Variants in PARD3 observed in about 807,000 individuals in gnomAD.
PARD3 encodes partitioning defective 3 homolog.
Under a neutral mutation model 155.4 loss-of-function variants are expected in PARD3, and 75 were observed. The observed-to-expected ratio is 0.48, with a 90% CI of 0.40 to 0.58. The LOEUF is 0.58. PARD3 is among the 20% of genes least tolerant of loss of function. The pLI, the probability that PARD3 is intolerant of heterozygous loss-of-function variation, is 0.00. For synonymous variants in PARD3, 576 were observed against 610.5 expected (o/e 0.94, Z 0.83); for missense variants, 1,642 against 1,721.7 (o/e 0.95, Z 0.82).
At chr10:34,698,359 C>T (rs1344831826) in intron 1 of PARD3, among the ~76,000 whole-genome samples, 1 of 152,162 alleles carries the variant, frequency 6.6e-6, no homozygotes, top group Non-Finnish European at 1.5e-5. Flanking sequence ...CTTTCCCTTT[C>T]ACAGCCTGTT....
chr10:34,160,038 G>C (rs1949199831), intron 22 of PARD3, among the ~76,000 whole-genome samples: 1 of 152,204 alleles, frequency 6.6e-6, no homozygotes, highest in Admixed American at 6.5e-5. Context: ...GAGGACTAGA[G>C]AGAAAGTAGA....
At chr10:34,342,835 T>G (rs1358895575) in intron 15 of PARD3, among the ~76,000 whole-genome samples, 1 of 152,200 alleles carries the variant, frequency 6.6e-6, no homozygotes. Context: ...ACTACACTAT[T>G]GTAGTAATAC....
At chr10:34,185,448 T>C (rs920353210) in intron 22 of PARD3, among the ~76,000 whole-genome samples, 2 of 152,194 alleles carry the variant, frequency 1.3e-5, no homozygotes, top group African/African-American at 4.8e-5. Flanking sequence ...TTTAAATTAG[T>C]CTTCATGTAT....
chr10:34,490,110 C>G (rs1029116340), intron 3 of PARD3, among the ~76,000 whole-genome samples: 47 of 152,120 alleles, frequency 3.1e-4, no homozygotes, highest in Admixed American at 7.9e-4. Context: ...ACTGCCATCA[C>G]ACGGTAGGAG....
chr10:34,296,939 C>T (rs763733558), intron 20 of PARD3, among the ~76,000 whole-genome samples: 3 of 152,084 alleles, frequency 2.0e-5, no homozygotes, highest in Non-Finnish European at 4.4e-5. Context: ...CTCTTAAAAA[C>T]CAACCAACCA....
chr10:34,443,646 C>T (rs763374942), intron 5 of PARD3, among the ~76,000 whole-genome samples: 1 of 152,022 alleles, frequency 6.6e-6, no homozygotes, highest in Non-Finnish European at 1.5e-5. Context: ...GACCTGCCTG[C>T]CCCCATGATT....
rs539711424 is a variant in PARD3, at chr10:34,466,696, G to A, written c.582+3389C>T. On this transcript the variant is annotated intron_variant, in intron 4 of 24. Transcript: ENST00000374788. ...TAACATCTTAAAGCATGAGACCATA[G>A]GTAAGCTCTCCTGGGCTTAACAGAA... Among the ~76,000 whole-genome samples the A allele has an allele frequency of 3.9e-5, 6 of 152,098 alleles. No individual in the cohort carries two copies. In the South Asian group the frequency reaches 8.3e-4, roughly 21 times the overall value.
intron 1 of PARD3, among the ~76,000 whole-genome samples, chr10:34,747,090 T>A (rs980630346): frequency 2.6e-5 from 4 of 152,250 alleles, no homozygotes; most frequent in Admixed American, 1.3e-4. Flanking sequence ...GATATTTGCT[T>A]CTGCTTCTGC....
intron 22 of PARD3, among the ~76,000 whole-genome samples, chr10:34,258,953 C>A (rs1176967907): frequency 6.6e-6 from 1 of 152,060 alleles, no homozygotes; most frequent in Non-Finnish European, 1.5e-5. Flanking sequence ...CCTGTAGTCC[C>A]AGCTACTCGA....
At chr10:34,557,801 G>GTA (rs955192743) in intron 2 of PARD3, among the ~76,000 whole-genome samples, 4 of 152,126 alleles carry the variant, frequency 2.6e-5, no homozygotes, top group African/African-American at 7.2e-5. Context: ...AGGTGTGGTG[G>GTA]TATACATCTA....
chr10:34,662,912 A>G (rs2093360028), intron 2 of PARD3, among the ~76,000 whole-genome samples: 1 of 151,592 alleles, frequency 6.6e-6, no homozygotes, highest in African/African-American at 2.4e-5. Flanking sequence ...TCATCATCTT[A>G]AGTGAAACAA....
intron 22 of PARD3, among the ~76,000 whole-genome samples, chr10:34,132,499 ATG>A (rs1420690801): frequency 1.3e-5 from 2 of 152,224 alleles, no homozygotes; most frequent in Non-Finnish European, 2.9e-5. Context: ...TTTGTAAAAC[ATG>A]TATCAGGCTC....
intron 20 of PARD3, among the ~76,000 whole-genome samples, chr10:34,309,896 C>CAA (rs552115285): frequency 0.017 from 1,613 of 95,476 alleles, 25 homozygotes; most frequent in Non-Finnish European, 0.024. Flanking sequence ...ATCAACCATC[C>CAA]AAAAAAAAAA....
At position 34,331,353 on chromosome 10, in the gene PARD3, T is replaced by A. The variant is rs1312348734; in HGVS notation, c.2606-9A>T. The A allele has an allele frequency of 6.3e-7, 1 of 1,592,166 alleles. No homozygotes were observed. The highest frequency in any genetic ancestry group is 1.7e-5 in the Admixed American group (1 of 59,260). On this transcript the variant is annotated splice_polypyrimidine_tract_variant and intron_variant, in intron 18 of 24. Coordinates refer to ENST00000374788, the MANE Select transcript of PARD3 (RefSeq NM_001184785.2). ...ATCTCTGCTGGGAGAACCTGGGAGG[T>A]TTACAAGAAAAAAAATGTTAGTGTG...
At chr10:34,678,797 A>G (rs1404890900) in intron 2 of PARD3, among the ~76,000 whole-genome samples, 9 of 151,768 alleles carry the variant, frequency 5.9e-5, no homozygotes, top group Admixed American at 4.6e-4. Flanking sequence ...ATGACTTTCA[A>G]TTCCCCCCGC....
chr10:34,645,255 G>A (rs1234518952), intron 2 of PARD3, among the ~76,000 whole-genome samples: 1 of 151,722 alleles, frequency 6.6e-6, no homozygotes, highest in African/African-American at 2.4e-5. Context: ...ACCCAGACTG[G>A]AGTGCAGTGA....
chr10:34,784,320 A>G (rs1840669140), intron 1 of PARD3, among the ~76,000 whole-genome samples: 4 of 152,216 alleles, frequency 2.6e-5, no homozygotes. Flanking sequence ...GCCCCATGTG[A>G]GACAGAAGGA....
intron 3 of PARD3, among the ~76,000 whole-genome samples, chr10:34,513,281 G>T (rs2081507146): frequency 6.6e-6 from 1 of 151,928 alleles, no homozygotes; most frequent in Non-Finnish European, 1.5e-5. Flanking sequence ...CCATAGGTTG[G>T]TTAGTTGGTT....
chr10:34,710,810 A>G (rs1447836049), intron 1 of PARD3, among the ~76,000 whole-genome samples: 2 of 152,216 alleles, frequency 1.3e-5, no homozygotes, highest in African/African-American at 2.4e-5. Context: ...TCTCTTCCAC[A>G]TATCTGCAAA....
Sources: gnomAD v4.1 joint callset for allele counts (sites outside exome capture counted in the v4.1 genomes callset) on GRCh38, gnomAD v4.1.1 for gene constraint, MANE v1.5 for transcripts, NCBI Gene and HGNC (gene_info 2026-07-23, HGNC 2026-07-21) for gene names.